The following ACBD3 variants were observed in gnomAD, a reference collection of about 807,000 sequenced individuals.
ACBD3 encodes Golgi resident protein GCP60.
ACBD3 carries 30 observed loss-of-function variants against 66.9 expected under a neutral mutation model. That is an observed-to-expected ratio of 0.45 (90% CI 0.34 to 0.61). The LOEUF (loss-of-function observed/expected upper bound fraction) is 0.61. Among genes scored for constraint, ACBD3 ranks in the 20% least tolerant of loss-of-function variants. The pLI is 0.02. For missense variants in ACBD3, 544 were observed against 664.5 expected, an observed-to-expected ratio of 0.82 and a Z score of 1.99; for synonymous variants, 278 against 259.8, an observed-to-expected ratio of 1.07 and a Z score of -0.68.
At chr1:226,155,039 T>C (rs1183462480) in intron 5 of ACBD3, 1 of 376,532 alleles carries the variant, frequency 2.7e-6, no homozygotes, top group Non-Finnish European at 4.6e-6. Flanking sequence ...TAATAAAAAA[T>C]CAATAAAAAT....
intron 3 of ACBD3, 55 bp downstream of exon 3, chr1:226,164,734 G>T (rs1659839274): frequency 6.7e-7 from 1 of 1,498,806 alleles, no homozygotes; most frequent in Non-Finnish European, 8.9e-7. Context: ...CAAAACAAAA[G>T]CATCAGTACA....
intron 7 of ACBD3, among the ~76,000 whole-genome samples, chr1:226,149,470 A>AC (rs1268790717): frequency 7.7e-6 from 1 of 130,248 alleles, no homozygotes. Context: ...CAGGTGATTC[A>AC]CCCACCTCAG....
At chr1:226,176,165 C>T (rs1404460879) in intron 1 of ACBD3, among the ~76,000 whole-genome samples, 2 of 152,130 alleles carry the variant, frequency 1.3e-5, no homozygotes, top group African/African-American at 2.4e-5. Flanking sequence ...TGGTGGCTCA[C>T]GCCTGTAATC....
At chr1:226,160,095 CTTT>C (rs199846671) in intron 4 of ACBD3, among the ~76,000 whole-genome samples, 2 of 143,152 alleles carry the variant, frequency 1.4e-5, no homozygotes. Flanking sequence ...CATGCTTCTT[CTTT>C]TTTTTTTTTT....
intron 1 of ACBD3, among the ~76,000 whole-genome samples, chr1:226,166,484 ATTTTTTTTTTT>A (rs200962496): frequency 8.2e-6 from 1 of 122,454 alleles, no homozygotes; most frequent in South Asian, 2.6e-4. Context: ...CGGTATGCTG[ATTTTTTTTTTT>A]TTTTTTTTGA....
At chr1:226,183,160 T>C (rs929054811) in intron 1 of ACBD3, among the ~76,000 whole-genome samples, 1 of 151,892 alleles carries the variant, frequency 6.6e-6, no homozygotes, top group Non-Finnish European at 1.5e-5. Flanking sequence ...GAAGAGAAAA[T>C]GTAATGTTCT....
chr1:226,186,687 G>A lies in ACBD3; in HGVS notation c.-12C>T, dbSNP rs779116709. 4 of 1,485,710 alleles carry A rather than the reference G, an allele frequency of 2.7e-6. No individual in the cohort carries two copies. The highest frequency in any genetic ancestry group is 3.6e-6 in the Non-Finnish European group (4 of 1,123,516). The allele number at this position is 1,485,710 out of a possible 1,614,324, so 92.0% of individuals were successfully genotyped here. On this transcript the variant is annotated 5_prime_UTR_variant, in exon 1 of 8. Transcript: ENST00000366812. ...AGCACCGCCGCCATCTCCGGCTGCTGCACCTCCTCAGCGGGGACAGACGGC... is the reference window on the plus strand; with the variant it reads ...AGCACCGCCGCCATCTCCGGCTGCTACACCTCCTCAGCGGGGACAGACGGC...
intron 4 of ACBD3, among the ~76,000 whole-genome samples, chr1:226,160,605 T>G (rs1659753506): frequency 6.6e-6 from 1 of 152,154 alleles, no homozygotes; most frequent in South Asian, 2.1e-4. Flanking sequence ...GCACTAAACC[T>G]TTTTCTGAGG....
In ACBD3 at chr1:226,186,502, G is replaced by C. The variant is rs781564076; in HGVS notation, c.174C>G (p.Pro58=). Residue 58 remains proline (P), a synonymous_variant, in exon 1 of 8, where the codon CCC becomes CCG. Transcript: ENST00000366812. ...GRGPGASGEQ[P]EPGEAAAGGA... is the part of the protein sequence containing the mutation. The stretch of plus-strand genomic sequence containing the variant: ...CCCCAGCCGCCGCCTCCCCGGGCTC[G>C]GGCTGCTCCCCTGAGGCGCCCGGGC... 8.1e-6 allele frequency: 12 copies of C among 1,474,328 alleles called. No homozygotes were observed. The highest frequency in any genetic ancestry group is 1.5e-5 in the African/African-American group (1 of 67,968). The allele number at this position is 1,474,328 out of a possible 1,614,324, so 91.3% of individuals were successfully genotyped here. A position where few individuals can be genotyped will look rare whatever the true frequency, so the allele number is the denominator to read the frequency against.
chr1:226,174,803 A>G (rs564832026), intron 1 of ACBD3, among the ~76,000 whole-genome samples: 92 of 151,578 alleles, frequency 6.1e-4, no homozygotes, highest in African/African-American at 2.1e-3. Flanking sequence ...TGAATGCTAG[A>G]AAACAATGAA....
intron 1 of ACBD3, among the ~76,000 whole-genome samples, chr1:226,180,407 C>T (rs979888380): frequency 1.3e-5 from 2 of 152,078 alleles, no homozygotes; most frequent in Admixed American, 6.6e-5. Flanking sequence ...TATATAATTT[C>T]TTATAATTCC....
chr1:226,177,569 G>A (rs1378786121), intron 1 of ACBD3, among the ~76,000 whole-genome samples: 1 of 151,990 alleles, frequency 6.6e-6, no homozygotes, highest in Non-Finnish European at 1.5e-5. Flanking sequence ...AGTATGAACA[G>A]AGGAGTTTAC....
rs752870233 is a variant in ACBD3 at position 226,146,858 on chromosome 1, G to A, written c.1376-37C>T. The A allele has an allele frequency of 2.5e-6, 4 of 1,580,004 alleles. No individual in the cohort carries two copies. The South Asian group carries it at 4.4e-5, about 18-fold the overall frequency. Reference sequence around the variant, plus strand: ...GAGACAAGTCAATGAACAGATTCAGGAAAACCACACTTGCATCAGGCAATT... The same window carrying A: ...GAGACAAGTCAATGAACAGATTCAGAAAAACCACACTTGCATCAGGCAATT... On this transcript the variant is annotated intron_variant, in intron 7 of 7. Coordinates refer to ENST00000366812, the MANE Select transcript of ACBD3 (RefSeq NM_022735.4).
chr1:226,171,438 T>C (rs1238924052), intron 1 of ACBD3, among the ~76,000 whole-genome samples: 5 of 151,496 alleles, frequency 3.3e-5, no homozygotes, highest in Non-Finnish European at 1.5e-5. Flanking sequence ...TGTGAGCCAC[T>C]GTGCCTGGTC....
intron 1 of ACBD3, among the ~76,000 whole-genome samples, chr1:226,168,736 A>C (rs1659920048): frequency 6.6e-6 from 1 of 152,242 alleles, no homozygotes; most frequent in Admixed American, 6.5e-5. Context: ...TATATATAGC[A>C]CATACAACAC....
rs1219924107 is a variant in ACBD3, at chr1:226,145,434, G to A, written c.*1176C>T. 1 of 152,466 alleles carries A rather than the reference G, an allele frequency of 6.6e-6. No individual in the cohort carries two copies. The highest frequency in any genetic ancestry group is 2.1e-4 in the South Asian group (1 of 4,820). 9.4% of individuals were successfully genotyped at this position (152,466 alleles called of 1,614,324 possible). ...TTCTATCTATACCACTCTCCCTTCT[G>A]AAAACAAGAATCACTAGCCAATCAC... On this transcript the variant is annotated 3_prime_UTR_variant, in exon 8 of 8. Transcript: ENST00000366812.
In ACBD3 at chr1:226,146,505, A is replaced by G; in HGVS notation, c.*105T>C. 3 of 940,830 alleles carry G rather than the reference A, an allele frequency of 3.2e-6. No individual in the cohort carries two copies. The highest frequency in any genetic ancestry group is 4.8e-6 in the Non-Finnish European group (3 of 626,284). 58.3% of individuals were successfully genotyped at this position (940,830 alleles called of 1,614,324 possible). On this transcript the variant is annotated 3_prime_UTR_variant, in exon 8 of 8. Transcript: ENST00000366812. ...TTCACAAACCATCAGACCAATATCA[A>G]TAAGGTAAACTGTGACTCTAATGCT...
At chr1:226,185,089 A>G (rs962050151) in intron 1 of ACBD3, among the ~76,000 whole-genome samples, 1 of 152,154 alleles carries the variant, frequency 6.6e-6, no homozygotes, top group Non-Finnish European at 1.5e-5. Context: ...AAACCACCTG[A>G]TTTTTATCAA....
chr1:226,145,045 T>C lies in ACBD3; in HGVS notation c.*1565A>G, dbSNP rs1659421585. ...CCATGGTTTCTATACCATATGTACA[T>C]GAAAGCTGACAGAGAGCCTGACAAA... On this transcript the variant is annotated 3_prime_UTR_variant, in exon 8 of 8. Coordinates refer to ENST00000366812, the MANE Select transcript of ACBD3 (RefSeq NM_022735.4). 6.6e-6 allele frequency: 1 copy of C among 152,424 alleles called. No individual in the cohort carries two copies. The highest frequency in any genetic ancestry group is 2.1e-4 in the South Asian group (1 of 4,832). 9.4% of individuals were successfully genotyped at this position (152,424 alleles called of 1,614,324 possible).
Sources: allele counts gnomAD v4.1 joint callset (sites outside exome capture counted in the v4.1 genomes callset), GRCh38; gene constraint gnomAD v4.1.1; transcripts MANE v1.5; gene names NCBI Gene and HGNC (gene_info 2026-07-23, HGNC 2026-07-21).